Variants in FAF1 observed in about 807,000 individuals in gnomAD.
The protein encoded by FAF1 is FAS-associated factor 1.
A neutral mutation model predicts 92.5 loss-of-function variants in FAF1; 25 were observed. The ratio of observed to expected loss-of-function variants is 0.27; its 90% CI spans 0.20 to 0.38. FAF1 has a LOEUF of 0.38. Ranked by LOEUF, FAF1 falls within the 10% of genes least tolerant of loss-of-function variation. The pLI is 1.00. For synonymous variants in FAF1, 234 were observed against 273.2 expected (o/e 0.86, Z 1.42); for missense variants, 636 against 793.3 (o/e 0.80, Z 2.38).
chr1:50,680,417 T>C (rs1656367732), intron 7 of FAF1, among the ~76,000 whole-genome samples: 1 of 152,154 alleles, frequency 6.6e-6, no homozygotes, highest in African/African-American at 2.4e-5. Context: ...GGCCAGTGGT[T>C]CACGCCTGTA....
chr1:50,495,996 A>G (rs1646893808), intron 15 of FAF1, among the ~76,000 whole-genome samples: 1 of 152,200 alleles, frequency 6.6e-6, no homozygotes, highest in South Asian at 2.1e-4. Context: ...ACTATTAAAA[A>G]TAAAATATTT....
chr1:50,920,944 G>C (rs988533541), intron 1 of FAF1, among the ~76,000 whole-genome samples: 2 of 151,866 alleles, frequency 1.3e-5, no homozygotes, highest in Non-Finnish European at 2.9e-5. Flanking sequence ...GTAAGAAAAA[G>C]AAAGAAAAAG....
chr1:50,555,053 CA>C (rs946715409), intron 13 of FAF1, among the ~76,000 whole-genome samples: 5 of 146,782 alleles, frequency 3.4e-5, no homozygotes, highest in South Asian at 2.1e-4. Flanking sequence ...CCTGTCTCTA[CA>C]AAAAAAAAAT....
At chr1:50,537,944 C>A (rs758570962) in intron 14 of FAF1, among the ~76,000 whole-genome samples, 1 of 151,936 alleles carries the variant, frequency 6.6e-6, no homozygotes, top group Non-Finnish European at 1.5e-5. Flanking sequence ...AATTTGAAAC[C>A]GTATCAATGA....
chr1:50,836,170 GTT>G (rs36053491), intron 2 of FAF1, among the ~76,000 whole-genome samples: 7 of 98,514 alleles, frequency 7.1e-5, no homozygotes, highest in African/African-American at 1.3e-4. Context: ...TTTTGTTTCT[GTT>G]TTTTTTTTTT....
chr1:50,885,342 T>TCTCTCCCC (rs138529130), intron 1 of FAF1, among the ~76,000 whole-genome samples: 2 of 140,798 alleles, frequency 1.4e-5, no homozygotes, highest in East Asian at 2.0e-4. Context: ...TCTCTCTCTC[T>TCTCTCCCC]CAATATTTGC....
chr1:50,659,214 A>G (rs1655263261), intron 7 of FAF1, among the ~76,000 whole-genome samples: 1 of 150,678 alleles, frequency 6.6e-6, no homozygotes, highest in South Asian at 2.2e-4. Flanking sequence ...TCAGAGAAGG[A>G]GGGAAGATGA....
At chr1:50,914,891 C>T (rs1297391143) in intron 1 of FAF1, among the ~76,000 whole-genome samples, 1 of 152,164 alleles carries the variant, frequency 6.6e-6, no homozygotes, top group Admixed American at 6.5e-5. Context: ...TTTCACCAGC[C>T]TAGACTAAGC....
At chr1:50,541,757 AAGAG>A (rs1004501196) in intron 13 of FAF1, among the ~76,000 whole-genome samples, 3 of 151,864 alleles carry the variant, frequency 2.0e-5, no homozygotes, top group East Asian at 1.9e-4. Context: ...AAAGGAAAGA[AAGAG>A]AGAGAGAGAA....
intron 1 of FAF1, among the ~76,000 whole-genome samples, chr1:50,922,713 G>C (rs540821605): frequency 1.9e-3 from 292 of 150,260 alleles, no homozygotes; most frequent in Non-Finnish European, 3.6e-3. Flanking sequence ...AGCTACTTGT[G>C]GGGGCTGAGG....
At chr1:50,571,410 T>C (rs997686525) in intron 12 of FAF1, among the ~76,000 whole-genome samples, 1 of 152,126 alleles carries the variant, frequency 6.6e-6, no homozygotes, top group Non-Finnish European at 1.5e-5. Flanking sequence ...GGCAAATGGG[T>C]TGTTGTAAGC....
At position 50,681,907 on chromosome 1, in the gene FAF1, C is replaced by T. The variant is rs187529087; in HGVS notation, c.657+23879G>A. On this transcript the variant is annotated intron_variant, in intron 7 of 18. Transcript: ENST00000396153. ...GGAGTGCAGTAGTGCAATCTGGGCT[C>T]ATTGCAACTTCCACCTCCCAGGCCC... Among the ~76,000 whole-genome samples, 51 of 151,958 alleles carry T rather than the reference C, an allele frequency of 3.4e-4. 4 individuals are homozygous for T. The highest frequency in any genetic ancestry group is 1.2e-3 in the African/African-American group (49 of 41,416).
intron 4 of FAF1, among the ~76,000 whole-genome samples, chr1:50,746,559 C>T (rs963727494): frequency 1.3e-5 from 2 of 151,582 alleles, no homozygotes; most frequent in Non-Finnish European, 2.9e-5. Context: ...GCCTCAGCCT[C>T]CCAAAGTGCT....
chr1:50,825,131 A>G (rs868252045), intron 2 of FAF1, among the ~76,000 whole-genome samples: 1 of 152,122 alleles, frequency 6.6e-6, no homozygotes. Context: ...CAAAGAAATG[A>G]TAAGTGTTTG....
intron 13 of FAF1, among the ~76,000 whole-genome samples, chr1:50,565,859 C>T (rs2149055672): frequency 6.6e-6 from 1 of 152,178 alleles, no homozygotes; most frequent in South Asian, 2.1e-4. Flanking sequence ...AGATTCCTTA[C>T]TGCCAGTGAA....
At chr1:50,674,720 T>C (rs1367221914) in intron 7 of FAF1, among the ~76,000 whole-genome samples, 1 of 152,144 alleles carries the variant, frequency 6.6e-6, no homozygotes, top group East Asian at 1.9e-4. Flanking sequence ...CTGGCAATCA[T>C]AGCCAATGAA....
intron 7 of FAF1, among the ~76,000 whole-genome samples, chr1:50,699,485 C>A (rs1470425415): frequency 6.6e-6 from 1 of 151,672 alleles, no homozygotes; most frequent in East Asian, 1.9e-4. Flanking sequence ...TACTTTATTA[C>A]ATTACATATT....
intron 1 of FAF1, among the ~76,000 whole-genome samples, chr1:50,936,896 CA>C (rs1645089397): frequency 6.6e-6 from 1 of 151,906 alleles, no homozygotes; most frequent in Non-Finnish European, 1.5e-5. Context: ...AGAAACTTGG[CA>C]AATTTTTAAA....
chr1:50,554,846 C>T (rs928924135), intron 13 of FAF1, among the ~76,000 whole-genome samples: 6 of 152,104 alleles, frequency 3.9e-5, no homozygotes, highest in Non-Finnish European at 8.8e-5. Context: ...AAAGAAAGAT[C>T]TAGAAATGTT....
Sources: gnomAD v4.1 joint callset for allele counts (sites outside exome capture counted in the v4.1 genomes callset) on GRCh38, gnomAD v4.1.1 for gene constraint, MANE v1.5 for transcripts, NCBI Gene and HGNC (gene_info 2026-07-23, HGNC 2026-07-21) for gene names.